OPRD1: variants seen among roughly 807,000 people sequenced by gnomAD.
OPRD1 encodes delta-type opioid receptor.
OPRD1 carries 19 observed loss-of-function variants against 17.5 expected under a neutral mutation model. That is an observed-to-expected ratio of 1.09 (90% CI 0.76 to 1.60). OPRD1 has a LOEUF of 1.60. OPRD1 is among the 40% of genes most tolerant of loss of function. The pLI is 0.00. For synonymous variants in OPRD1, 256 were observed against 240.9 expected, an observed-to-expected ratio of 1.06 and a Z score of -0.58; for missense variants, 483 against 547.2, an observed-to-expected ratio of 0.88 and a Z score of 1.17.
chr1:28,813,893 G>T (rs2088652279), intron 1 of OPRD1, among the ~76,000 whole-genome samples: 1 of 152,122 alleles, frequency 6.6e-6, no homozygotes, highest in Non-Finnish European at 1.5e-5. Flanking sequence ...TTCCCTGTTC[G>T]AAGAATACAG....
In OPRD1 at chr1:28,812,434, C is replaced by T. The variant is rs1311437332; in HGVS notation, c.51C>T (p.Ala17=). The change falls in exon 1 of 3, where the codon GCC becomes GCT. Residue 17 remains alanine (A), a synonymous_variant. Coordinates refer to ENST00000234961, the MANE Select transcript of OPRD1 (RefSeq NM_000911.4). Reference sequence around the variant, plus strand: ...CCGAGCTGCAGCCCCCGCTCTTCGCCAACGCCTCGGACGCCTACCCTAGCG... The same window carrying T: ...CCGAGCTGCAGCCCCCGCTCTTCGCTAACGCCTCGGACGCCTACCCTAGCG... ...AGAELQPPLF[A]NASDAYPSAC... The T allele has an allele frequency of 6.0e-6, 9 of 1,492,748 alleles. No individual in the cohort carries two copies. The highest frequency in any genetic ancestry group is 8.0e-6 in the Non-Finnish European group (9 of 1,128,170). 92.5% of individuals were successfully genotyped at this position (1,492,748 alleles called of 1,614,324 possible).
chr1:28,862,553 C>T (rs2089132664), intron 2 of OPRD1, among the ~76,000 whole-genome samples, 189 bp from the exon 3 acceptor site: 1 of 152,170 alleles, frequency 6.6e-6, no homozygotes, highest in Non-Finnish European at 1.5e-5. Flanking sequence ...TAGGTCTTTA[C>T]GGATAACTAA....
At chr1:28,829,432 G>C (rs1005652221) in intron 1 of OPRD1, among the ~76,000 whole-genome samples, 3 of 143,432 alleles carry the variant, frequency 2.1e-5, no homozygotes, top group Non-Finnish European at 4.6e-5. Flanking sequence ...GCAATGGCGC[G>C]ATCTCGGCTC....
chr1:28,846,854 C>CTTTCTTTCTTTCTTTCTTTCT (rs2088953459), intron 1 of OPRD1, among the ~76,000 whole-genome samples: 36 of 54,264 alleles, frequency 6.6e-4, no homozygotes, highest in African/African-American at 1.8e-3. Flanking sequence ...TCTTTTCTTT[C>CTTTCTTTCTTTCTTTCTTTCT]TTTCTTTCTT....
At chr1:28,814,396 T>C (rs756737840) in intron 1 of OPRD1, among the ~76,000 whole-genome samples, 31 of 152,186 alleles carry the variant, frequency 2.0e-4, no homozygotes, top group Non-Finnish European at 2.9e-4. Context: ...GGACGCTGTC[T>C]GTATAGCGAG....
chr1:28,820,259 A>G (rs898212747), intron 1 of OPRD1, among the ~76,000 whole-genome samples: 4 of 150,068 alleles, frequency 2.7e-5, no homozygotes, highest in Admixed American at 1.3e-4. Flanking sequence ...CAGTGACGCA[A>G]TCTTGGCTCA....
chr1:28,831,216 A>G (rs949650159), intron 1 of OPRD1, among the ~76,000 whole-genome samples: 123 of 152,314 alleles, frequency 8.1e-4, no homozygotes, highest in Non-Finnish European at 1.6e-4. Context: ...GTTGTCCCAT[A>G]TAAGAGAGGG....
Position 28,864,758 on chromosome 1 carries a change from G to C in OPRD1, c.*1475G>C, listed in dbSNP as rs143425332. 3 of 125,070 alleles carry C rather than the reference G, an allele frequency of 2.4e-5. No individual in the cohort carries two copies. Among genetic ancestry groups the C allele is most frequent in the Admixed American group, 1.8e-4 (2 of 11,320 alleles). 7.7% of individuals were successfully genotyped at this position (125,070 alleles called of 1,614,324 possible). A position where few individuals can be genotyped will look rare whatever the true frequency, so the allele number is the denominator to read the frequency against. On this transcript the variant is annotated 3_prime_UTR_variant, in exon 3 of 3. Transcript: ENST00000234961. ...AGTGGTGCCTGGGACTCTTGAGGGC[G>C]GGGGGCGGGGTATGAGAAGCATCAG...
At chr1:28,819,511 T>G (rs1395942458) in intron 1 of OPRD1, among the ~76,000 whole-genome samples, 2 of 152,192 alleles carry the variant, frequency 1.3e-5, no homozygotes, top group Non-Finnish European at 2.9e-5. Context: ...CTGAAAAGCC[T>G]CTTCCTAAGC....
chr1:28,847,859 A>G (rs1201511747), intron 1 of OPRD1, among the ~76,000 whole-genome samples: 2 of 152,120 alleles, frequency 1.3e-5, no homozygotes, highest in Non-Finnish European at 2.9e-5. Flanking sequence ...ATAAATAAAT[A>G]AAACCAGAAA....
chr1:28,824,932 C>T (rs6426344), intron 1 of OPRD1, among the ~76,000 whole-genome samples: 62,246 of 151,366 alleles, frequency 0.41, 14,274 homozygotes, highest in African/African-American at 0.62. Flanking sequence ...CCCAGGTTCA[C>T]GCCATTCTCC....
chr1:28,830,218 G>A (rs1466686091), intron 1 of OPRD1, among the ~76,000 whole-genome samples: 5 of 151,960 alleles, frequency 3.3e-5, no homozygotes, highest in Non-Finnish European at 5.9e-5. Flanking sequence ...AACAATTACA[G>A]TGGTAGCATC....
At chr1:28,856,111 T>C (rs1278577143) in intron 1 of OPRD1, among the ~76,000 whole-genome samples, 1 of 152,074 alleles carries the variant, frequency 6.6e-6, no homozygotes, top group Admixed American at 6.6e-5. Flanking sequence ...AGGCATACAG[T>C]ATGGGGCCAC....
At chr1:28,851,282 A>G (rs557395273) in intron 1 of OPRD1, among the ~76,000 whole-genome samples, 1 of 152,360 alleles carries the variant, frequency 6.6e-6, no homozygotes, top group East Asian at 1.9e-4. Flanking sequence ...GAGTCTGGAC[A>G]ATGAGGGAGC....
intron 1 of OPRD1, among the ~76,000 whole-genome samples, chr1:28,828,213 G>C (rs1469580156): frequency 6.6e-6 from 1 of 152,196 alleles, no homozygotes; most frequent in African/African-American, 2.4e-5. Context: ...CAGAATGGAT[G>C]TTGTGTTAGT....
intron 1 of OPRD1, among the ~76,000 whole-genome samples, chr1:28,831,169 T>A (rs1026293514): frequency 1.3e-5 from 2 of 152,280 alleles, no homozygotes; most frequent in Admixed American, 1.3e-4. Context: ...GAGGGGCAGG[T>A]TAGCCACAAG....
At chr1:28,831,362 A>G (rs890214514) in intron 1 of OPRD1, among the ~76,000 whole-genome samples, 1 of 152,136 alleles carries the variant, frequency 6.6e-6, no homozygotes, top group Non-Finnish European at 1.5e-5. Context: ...TACAAAAATT[A>G]GCCGGGCGTG....
At chr1:28,835,780 G>A (rs1220798226) in intron 1 of OPRD1, among the ~76,000 whole-genome samples, 1 of 152,208 alleles carries the variant, frequency 6.6e-6, no homozygotes. Context: ...AAGATTGGGT[G>A]GTGGTTAGGA....
In OPRD1 at chr1:28,865,239, A is replaced by G. The variant is rs1001319377; in HGVS notation, c.*1956A>G. On this transcript the variant is annotated 3_prime_UTR_variant, in exon 3 of 3. Coordinates refer to ENST00000234961, the MANE Select transcript of OPRD1 (RefSeq NM_000911.4). ...CTCCCTCACCAACACTGCCTCAGTAATGCACCCCTGACTCCCTATTGAAGC... is the reference window on the plus strand; with the variant it reads ...CTCCCTCACCAACACTGCCTCAGTAGTGCACCCCTGACTCCCTATTGAAGC... The G allele has an allele frequency of 2.6e-5, 4 of 152,320 alleles. No homozygotes were observed. The highest frequency in any genetic ancestry group is 9.7e-5 in the African/African-American group (4 of 41,420). The allele number at this position is 152,320 out of a possible 1,614,324, so 9.4% of individuals were successfully genotyped here. A position where few individuals can be genotyped will look rare whatever the true frequency, so the allele number is the denominator to read the frequency against.
Sources: gnomAD v4.1 joint callset for allele counts (sites outside exome capture counted in the v4.1 genomes callset) on GRCh38, gnomAD v4.1.1 for gene constraint, MANE v1.5 for transcripts, NCBI Gene and HGNC (gene_info 2026-07-23, HGNC 2026-07-21) for gene names.